The following SYN2 variants were observed in gnomAD, a reference collection of about 807,000 sequenced individuals.
SYN2 encodes synapsin-2.
Under a neutral mutation model 50.9 loss-of-function variants are expected in SYN2, and 19 were observed. That is an observed-to-expected ratio of 0.37 (90% CI 0.26 to 0.55). SYN2 has a LOEUF of 0.55. Ranked by LOEUF, SYN2 falls within the 20% of genes least tolerant of loss-of-function variation. The pLI, the probability that SYN2 is intolerant of heterozygous loss-of-function variation, is 0.81. For missense variants in SYN2, 587 were observed against 576.4 expected (o/e 1.02, Z -0.19); for synonymous variants, 255 against 224.9 (o/e 1.13, Z -1.20).
At chr3:12,146,153 G>A (rs942486752) in intron 4 of SYN2, among the ~76,000 whole-genome samples, 1 of 152,214 alleles carries the variant, frequency 6.6e-6, no homozygotes, top group African/African-American at 2.4e-5. Context: ...AGCCCTTATA[G>A]GTCTGTAGGC....
intron 10 of SYN2, among the ~76,000 whole-genome samples, chr3:12,182,848 C>G (rs781615667): frequency 3.3e-5 from 5 of 152,252 alleles, no homozygotes; most frequent in Non-Finnish European, 7.3e-5. Flanking sequence ...CCCTGCCCTC[C>G]TGCTCACCTG....
chr3:12,130,242 GTGTGTGTGTGCA>G (rs1247166085), intron 1 of SYN2, among the ~76,000 whole-genome samples: 2 of 151,166 alleles, frequency 1.3e-5, no homozygotes, highest in Admixed American at 6.6e-5. Context: ...GTGTGCGTGT[GTGTGTGTGTGCA>G]TGTGTGTGTG....
intron 1 of SYN2, among the ~76,000 whole-genome samples, chr3:12,062,016 G>A (rs1695121770): frequency 6.6e-6 from 1 of 151,982 alleles, no homozygotes; most frequent in Admixed American, 6.6e-5. Context: ...AGATTAACAA[G>A]TTGATTCTGA....
intron 7 of SYN2, among the ~76,000 whole-genome samples, chr3:12,165,843 T>TAAAG (rs1162837289): frequency 6.6e-6 from 1 of 152,226 alleles, no homozygotes; most frequent in Admixed American, 6.5e-5. Flanking sequence ...TTTGTTTCTT[T>TAAAG]GCCTTTCCTG....
chr3:12,080,135 G>A (rs1695555324), intron 1 of SYN2, among the ~76,000 whole-genome samples: 1 of 151,982 alleles, frequency 6.6e-6, no homozygotes, highest in Non-Finnish European at 1.5e-5. Context: ...ATTTCTGTGG[G>A]GTCAGTGGTG....
chr3:12,190,650 G>C lies in SYN2; in HGVS notation c.*25G>C. The C allele has an allele frequency of 6.2e-7, 1 of 1,605,088 alleles. No individual in the cohort carries two copies. The highest frequency in any genetic ancestry group is 8.5e-7 in the Non-Finnish European group (1 of 1,176,388). On this transcript the variant is annotated 3_prime_UTR_variant, in exon 13 of 13. Coordinates refer to ENST00000621198, the MANE Select transcript of SYN2 (RefSeq NM_133625.6). ...GCTCTTCAGACACACGGGGCACCCA[G>C]CCCAACCGGGAAAGGCATCTAAGAC...
At chr3:12,080,019 G>C (rs558499632) in intron 1 of SYN2, among the ~76,000 whole-genome samples, 44 of 152,124 alleles carry the variant, frequency 2.9e-4, no homozygotes, top group African/African-American at 1.0e-3. Context: ...TTTCTTCCTG[G>C]TTCAGTCTTG....
chr3:12,092,384 G>A (rs1225099706), intron 1 of SYN2, among the ~76,000 whole-genome samples: 2 of 152,128 alleles, frequency 1.3e-5, no homozygotes, highest in African/African-American at 2.4e-5. Context: ...GCTCATTCTA[G>A]TAGGGAATAC....
At chr3:12,006,726 A>T (rs182960182) in intron 1 of SYN2, among the ~76,000 whole-genome samples, 3 of 152,342 alleles carry the variant, frequency 2.0e-5, no homozygotes, top group Admixed American at 2.0e-4. Flanking sequence ...GGGGCCTTTT[A>T]AGAGAACTCA....
intron 1 of SYN2, among the ~76,000 whole-genome samples, chr3:12,136,670 C>T (rs374573375): frequency 1.3e-3 from 194 of 152,302 alleles, no homozygotes; most frequent in African/African-American, 4.3e-3. Flanking sequence ...AAGGTATTCA[C>T]TTCCTTGAGT....
chr3:12,168,263 C>G, intron 8 of SYN2, 113 bp from the exon 9 acceptor site: 1 of 757,470 alleles, frequency 1.3e-6, no homozygotes, highest in South Asian at 1.6e-5. Flanking sequence ...ATGGAGGGAG[C>G]AGTGGGAATG....
intron 1 of SYN2, among the ~76,000 whole-genome samples, chr3:12,123,669 C>T (rs1376539424): frequency 6.6e-6 from 1 of 152,060 alleles, no homozygotes; most frequent in Non-Finnish European, 1.5e-5. Context: ...AAGTTTAGGC[C>T]AGGCACAGTG....
intron 5 of SYN2, among the ~76,000 whole-genome samples, chr3:12,161,008 G>A (rs946763168): frequency 6.6e-6 from 1 of 152,190 alleles, no homozygotes; most frequent in Non-Finnish European, 1.5e-5. Context: ...GCCTTGTTTG[G>A]TGGTGAGATT....
At chr3:12,094,214 T>G (rs2125183823) in intron 1 of SYN2, among the ~76,000 whole-genome samples, 1 of 152,292 alleles carries the variant, frequency 6.6e-6, no homozygotes, top group East Asian at 1.9e-4. Context: ...TTGTGTGTGT[T>G]CATTTTGTCT....
chr3:12,127,429 T>C (rs1272716111), intron 1 of SYN2, among the ~76,000 whole-genome samples: 5 of 152,216 alleles, frequency 3.3e-5, no homozygotes, highest in African/African-American at 9.7e-5. Flanking sequence ...CCTCTGTTTC[T>C]TTGCCTATGA....
chr3:12,021,129 TGATTTCTTC>T (rs1694126082), intron 1 of SYN2, among the ~76,000 whole-genome samples: 1 of 152,248 alleles, frequency 6.6e-6, no homozygotes, highest in African/African-American at 2.4e-5. Context: ...TAATGTACCA[TGATTTCTTC>T]AATTTATAAT....
intron 1 of SYN2, among the ~76,000 whole-genome samples, chr3:12,100,458 C>T (rs1696047483): frequency 6.6e-6 from 1 of 152,090 alleles, no homozygotes; most frequent in Non-Finnish European, 1.5e-5. Context: ...GGAACCCTAT[C>T]TCATACTATA....
At chr3:12,170,168 C>A (rs1559452535) in intron 10 of SYN2, among the ~76,000 whole-genome samples, 2 of 152,290 alleles carry the variant, frequency 1.3e-5, no homozygotes, top group East Asian at 3.9e-4. Context: ...TTCCTCTGAA[C>A]CTGAAGTCTC....
intron 1 of SYN2, among the ~76,000 whole-genome samples, chr3:12,073,006 A>C (rs964173653): frequency 2.6e-5 from 4 of 152,192 alleles, no homozygotes; most frequent in Non-Finnish European, 5.9e-5. Context: ...AGACTTTATC[A>C]ATGTGGCAAT....
Sources: allele counts gnomAD v4.1 joint callset (sites outside exome capture counted in the v4.1 genomes callset), GRCh38; gene constraint gnomAD v4.1.1; transcripts MANE v1.5; gene names NCBI Gene and HGNC (gene_info 2026-07-23, HGNC 2026-07-21).